Variants in PTPN3 observed in about 807,000 individuals in gnomAD.
PTPN3 encodes the protein tyrosine-protein phosphatase non-receptor type 3.
PTPN3 carries 96 observed loss-of-function variants against 132.7 expected under a neutral mutation model. The ratio of observed to expected loss-of-function variants is 0.72; its 90% CI spans 0.61 to 0.86. The LOEUF (loss-of-function observed/expected upper bound fraction) is 0.86, where lower values mean the gene tolerates loss of function less well. Among genes scored for constraint, PTPN3 ranks in the 40% least tolerant of loss-of-function variants. PTPN3 has a pLI of 0.00. For synonymous variants in PTPN3, 398 were observed against 429.0 expected (o/e 0.93, Z 0.89); for missense variants, 1,125 against 1,159.6 (o/e 0.97, Z 0.43).
chr9:109,390,440 G>C (rs139923340), intron 21 of PTPN3, among the ~76,000 whole-genome samples: 1 of 152,184 alleles, frequency 6.6e-6, no homozygotes, highest in African/African-American at 2.4e-5. Context: ...ATTACTATCT[G>C]GTTGGCTACA....
At chr9:109,444,137 C>A (rs1356941205) in intron 7 of PTPN3, among the ~76,000 whole-genome samples, 3 of 152,170 alleles carry the variant, frequency 2.0e-5, no homozygotes, top group Admixed American at 2.0e-4. Context: ...ATCTATCACA[C>A]AGTAGGTCAA....
At chr9:109,487,326 G>C (rs1847258592) in intron 1 of PTPN3, among the ~76,000 whole-genome samples, 1 of 152,236 alleles carries the variant, frequency 6.6e-6, no homozygotes, top group South Asian at 2.1e-4. Flanking sequence ...GGCCACTGTG[G>C]CAAGAGCAGG....
intron 12 of PTPN3, among the ~76,000 whole-genome samples, chr9:109,425,446 C>T (rs960611631): frequency 5.9e-5 from 9 of 152,218 alleles, no homozygotes; most frequent in Non-Finnish European, 4.4e-5. Context: ...CACGGTGGCT[C>T]ATGCCTGTAA....
intron 2 of PTPN3, among the ~76,000 whole-genome samples, chr9:109,462,611 T>G (rs1360018229): frequency 6.6e-6 from 1 of 151,780 alleles, no homozygotes. Context: ...CGGTGGTGAC[T>G]GGGGTGGGTG....
At chr9:109,410,532 T>G (rs547226691) in intron 14 of PTPN3, 117 bp from the exon 15 acceptor site, 2 of 1,144,468 alleles carry the variant, frequency 1.7e-6, no homozygotes, top group East Asian at 5.0e-5. Context: ...GAACCTCAGC[T>G]GCATAGGTTG....
chr9:109,519,382 T>G, the PTPN3 span, among the ~76,000 whole-genome samples: 1 of 152,220 alleles, frequency 6.6e-6, no homozygotes, highest in Non-Finnish European at 1.5e-5. Flanking sequence ...AGGGCTAAGC[T>G]ATGATGTTCA....
chr9:109,410,518 C>A (rs1325216689), intron 14 of PTPN3, 103 bp from the exon 15 acceptor site: 11 of 1,281,790 alleles, frequency 8.6e-6, no homozygotes, highest in Non-Finnish European at 1.2e-5. Flanking sequence ...TGTATGTTTC[C>A]CTGGAACCTC....
At chr9:109,538,373 G>C in the PTPN3 span, among the ~76,000 whole-genome samples, 1 of 152,170 alleles carries the variant, frequency 6.6e-6, no homozygotes, top group East Asian at 1.9e-4. Context: ...GGAAACCTCA[G>C]AACTTGTCTC....
At chr9:109,536,589 AG>A in the PTPN3 span, among the ~76,000 whole-genome samples, 1 of 152,212 alleles carries the variant, frequency 6.6e-6, no homozygotes, top group Non-Finnish European at 1.5e-5. Context: ...GGCTGCAAAA[AG>A]GTGCTCAATA....
intron 1 of PTPN3, among the ~76,000 whole-genome samples, chr9:109,496,855 T>C (rs554754736): frequency 5.3e-4 from 81 of 152,310 alleles, no homozygotes; most frequent in African/African-American, 1.8e-3. Context: ...ACACAAAGAA[T>C]TATCAAACCC....
At chr9:109,468,053 T>C (rs531580843) in intron 1 of PTPN3, among the ~76,000 whole-genome samples, 1 of 152,330 alleles carries the variant, frequency 6.6e-6, no homozygotes, top group Non-Finnish European at 1.5e-5. Flanking sequence ...TCAGATTGTC[T>C]TGAAATTACA....
At chr9:109,381,959 C>T (rs546654035) in intron 24 of PTPN3, among the ~76,000 whole-genome samples, 172 bp from the exon 25 acceptor site, 21 of 152,346 alleles carry the variant, frequency 1.4e-4, no homozygotes, top group African/African-American at 4.3e-4. Context: ...TGTCCTCACA[C>T]ATCTGAGACT....
At chr9:109,388,032 G>T (rs766377741) in intron 22 of PTPN3, among the ~76,000 whole-genome samples, 52 of 152,208 alleles carry the variant, frequency 3.4e-4, no homozygotes, top group Non-Finnish European at 6.6e-4. Context: ...GCACAGCGAG[G>T]CTGGGGAGCG....
chr9:109,383,999 C>G (rs895328276), intron 22 of PTPN3, among the ~76,000 whole-genome samples: 6 of 152,122 alleles, frequency 3.9e-5, no homozygotes, highest in African/African-American at 1.4e-4. Flanking sequence ...GTTAAGGGCA[C>G]ACATCTGGTG....
chr9:109,474,239 AC>A (rs1156749631), intron 1 of PTPN3, among the ~76,000 whole-genome samples: 2 of 152,156 alleles, frequency 1.3e-5, no homozygotes, highest in South Asian at 2.1e-4. Flanking sequence ...ATCAGGACTT[AC>A]CCCAGACAAG....
At chr9:109,523,694 G>T in the PTPN3 span, among the ~76,000 whole-genome samples, 2 of 152,270 alleles carry the variant, frequency 1.3e-5, no homozygotes, top group Non-Finnish European at 2.9e-5. Context: ...CCAGAATTAT[G>T]CTCAAATGTG....
chr9:109,502,425 G>A (rs1486957370), upstream of PTPN3, among the ~76,000 whole-genome samples: 1 of 152,196 alleles, frequency 6.6e-6, no homozygotes, highest in East Asian at 1.9e-4. Context: ...TGGGCAAGTG[G>A]TGCTGTTAGA....
At chr9:109,505,843 G>A in the PTPN3 span, among the ~76,000 whole-genome samples, 1 of 151,688 alleles carries the variant, frequency 6.6e-6, no homozygotes, top group African/African-American at 2.4e-5. Flanking sequence ...TCTGCCTCCC[G>A]GGTTCATGCC....
At chr9:109,435,732 T>C (rs1167315308) in intron 9 of PTPN3, among the ~76,000 whole-genome samples, 3 of 152,294 alleles carry the variant, frequency 2.0e-5, no homozygotes, top group East Asian at 3.9e-4. Context: ...CTCAGGCAGA[T>C]ATAAAGCCCT....
Sources: gnomAD v4.1 joint callset for allele counts (sites outside exome capture counted in the v4.1 genomes callset) on GRCh38, gnomAD v4.1.1 for gene constraint, MANE v1.5 for transcripts, NCBI Gene and HGNC (gene_info 2026-07-23, HGNC 2026-07-21) for gene names.